Variants in DDAH1 observed in about 807,000 individuals in gnomAD.
The protein encoded by DDAH1 is N(G),N(G)-dimethylarginine dimethylaminohydrolase 1.
In DDAH1, 19 loss-of-function variants were observed where a neutral mutation model predicts 28.8. That is an observed-to-expected ratio of 0.66 (90% CI 0.46 to 0.97). DDAH1 has a LOEUF of 0.97. DDAH1 is among the 50% of genes least tolerant of loss of function. DDAH1 has a pLI of 0.00. For synonymous variants in DDAH1, 153 were observed against 154.4 expected (o/e 0.99, Z 0.07); for missense variants, 326 against 375.9 (o/e 0.87, Z 1.10).
At chr1:85,520,341 C>G (rs1334643654) in intron 1 of DDAH1, among the ~76,000 whole-genome samples, 2 of 152,152 alleles carry the variant, frequency 1.3e-5, no homozygotes, top group Admixed American at 1.3e-4. Flanking sequence ...CCTAATGGCA[C>G]GTATATTTTG....
chr1:85,450,406 A>T (rs182822577), intron 1 of DDAH1, among the ~76,000 whole-genome samples: 1 of 152,228 alleles, frequency 6.6e-6, no homozygotes, highest in Admixed American at 6.5e-5. Flanking sequence ...GAAGCTTTCT[A>T]AGAGTAGTCT....
intron 1 of DDAH1, among the ~76,000 whole-genome samples, chr1:85,422,449 T>C (rs1337696360): frequency 6.6e-6 from 1 of 152,232 alleles, no homozygotes; most frequent in Non-Finnish European, 1.5e-5. Flanking sequence ...ATCATACTTT[T>C]GGTGTTGTAT....
At chr1:85,454,027 G>C (rs1146384) in intron 1 of DDAH1, among the ~76,000 whole-genome samples, 45,246 of 151,994 alleles carry the variant, frequency 0.3, 6,779 homozygotes, top group East Asian at 0.36. Flanking sequence ...CCCAGTGTCT[G>C]TGTAGGTCTC....
intron 1 of DDAH1, among the ~76,000 whole-genome samples, chr1:85,459,955 T>G (rs550476652): frequency 1.2e-4 from 19 of 152,336 alleles, no homozygotes; most frequent in African/African-American, 4.6e-4. Context: ...ATGTTAGGAT[T>G]AACCGCAACT....
chr1:85,564,979 G>A (rs986454635), intron 1 of DDAH1, among the ~76,000 whole-genome samples: 4 of 151,890 alleles, frequency 2.6e-5, no homozygotes, highest in African/African-American at 4.8e-5. Context: ...GGCGGATCAC[G>A]AGGTCAGTAG....
chr1:85,391,926 G>C (rs1358123346), intron 1 of DDAH1, among the ~76,000 whole-genome samples: 1 of 152,162 alleles, frequency 6.6e-6, no homozygotes, highest in Non-Finnish European at 1.5e-5. Flanking sequence ...CAGGCCTTTG[G>C]GGGAAGCTCC....
At chr1:85,379,680 A>G in intron 1 of DDAH1, 1 of 985,294 alleles carries the variant, frequency 1.0e-6, no homozygotes, top group Non-Finnish European at 1.2e-6. Context: ...GCATTTGTTG[A>G]CCTTATATTC....
At chr1:85,406,675 A>G (rs1394285791) in intron 1 of DDAH1, among the ~76,000 whole-genome samples, 1 of 152,188 alleles carries the variant, frequency 6.6e-6, no homozygotes, top group Non-Finnish European at 1.5e-5. Context: ...GGCTTACCTC[A>G]TATACTGATC....
intron 1 of DDAH1, among the ~76,000 whole-genome samples, chr1:85,364,025 TA>T (rs1649929672): frequency 6.6e-6 from 1 of 150,574 alleles, no homozygotes; most frequent in African/African-American, 2.4e-5. Context: ...ATAGTGACAA[TA>T]AAATGGAATA....
chr1:85,555,655 C>T (rs962211037), intron 1 of DDAH1, among the ~76,000 whole-genome samples: 7 of 152,114 alleles, frequency 4.6e-5, no homozygotes, highest in Admixed American at 3.9e-4. Flanking sequence ...AGTGGCTGAT[C>T]GACCCAACTT....
At chr1:85,502,808 C>T (rs1402147068) in intron 1 of DDAH1, among the ~76,000 whole-genome samples, 2 of 152,128 alleles carry the variant, frequency 1.3e-5, no homozygotes, top group Non-Finnish European at 2.9e-5. Context: ...CAGAGATAGC[C>T]CTGCCTCTCC....
chr1:85,571,178 T>C (rs569997014), intron 1 of DDAH1, among the ~76,000 whole-genome samples: 1 of 152,308 alleles, frequency 6.6e-6, no homozygotes, highest in South Asian at 2.1e-4. Flanking sequence ...TTCCCTTCTC[T>C]TTCCCCTTCT....
intron 4 of DDAH1, among the ~76,000 whole-genome samples, chr1:85,337,775 C>T (rs1648232093): frequency 6.6e-6 from 1 of 152,104 alleles, no homozygotes; most frequent in Admixed American, 6.5e-5. Flanking sequence ...AGTTAAAGTC[C>T]CCTTTCCTCC....
At chr1:85,491,410 C>G (rs1328403994) in intron 2 of DDAH1, among the ~76,000 whole-genome samples, 1 of 152,120 alleles carries the variant, frequency 6.6e-6, no homozygotes, top group African/African-American at 2.4e-5. Context: ...AAACTGCAGA[C>G]AAAGACAAAG....
At chr1:85,531,470 T>C (rs2604089) in intron 1 of DDAH1, among the ~76,000 whole-genome samples, 1 of 152,248 alleles carries the variant, frequency 6.6e-6, no homozygotes, top group African/African-American at 2.4e-5. Context: ...TGAATAATAG[T>C]GGGGATAATT....
rs556663279 is a variant in DDAH1, at chr1:85,459,495, A to C, written c.303+5248T>G. ...AACGTTACTGCCAAGGCCATGTAGAAGAGTCAAAACAATAAAAAAAAAATC... is the reference window on the plus strand; with the variant it reads ...AACGTTACTGCCAAGGCCATGTAGACGAGTCAAAACAATAAAAAAAAAATC... On this transcript the variant is annotated intron_variant, in intron 1 of 5. Coordinates refer to ENST00000284031, the MANE Select transcript of DDAH1 (RefSeq NM_012137.4). 3.9e-5 allele frequency among the ~76,000 whole-genome samples: 6 copies of C among 152,348 alleles called. No individual in the cohort carries two copies. The East Asian group carries it at 1.2e-3, about 29-fold the overall frequency.
chr1:85,571,390 C>T (rs1039073403), intron 1 of DDAH1, among the ~76,000 whole-genome samples: 43 of 152,190 alleles, frequency 2.8e-4, no homozygotes, highest in African/African-American at 8.2e-4. Flanking sequence ...CAATCCCTCT[C>T]ATCCATAAAA....
upstream of DDAH1, among the ~76,000 whole-genome samples, chr1:85,468,074 AATTCTAAGGGAAAGGC>A (rs1294520528): frequency 6.6e-5 from 10 of 152,322 alleles, no homozygotes; most frequent in African/African-American, 2.4e-4. Flanking sequence ...AGAGAATGAG[AATTCTAAGGGAAAGGC>A]ATTTTCAAAG....
intron 1 of DDAH1, among the ~76,000 whole-genome samples, chr1:85,370,709 G>C (rs986639): frequency 0.14 from 21,501 of 152,130 alleles, 1,647 homozygotes; most frequent in East Asian, 0.25. Flanking sequence ...GATTGGATGT[G>C]GGGGTGAAGG....
Sources: allele counts gnomAD v4.1 joint callset (sites outside exome capture counted in the v4.1 genomes callset), GRCh38; gene constraint gnomAD v4.1.1; transcripts MANE v1.5; gene names NCBI Gene and HGNC (gene_info 2026-07-23, HGNC 2026-07-21).